The following KCNAB2 variants were observed in gnomAD, a reference collection of about 807,000 sequenced individuals.
The protein encoded by KCNAB2 is voltage-gated potassium channel subunit beta-2.
KCNAB2 carries 29 observed loss-of-function variants against 63.6 expected under a neutral mutation model. The ratio of observed to expected loss-of-function variants is 0.46; its 90% CI spans 0.34 to 0.62. KCNAB2 has a LOEUF of 0.62. Ranked by LOEUF, KCNAB2 falls within the 20% of genes least tolerant of loss-of-function variation. KCNAB2 has a pLI of 0.01. For synonymous variants in KCNAB2, 222 were observed against 224.2 expected, an observed-to-expected ratio of 0.99 and a Z score of 0.09; for missense variants, 359 against 563.9, an observed-to-expected ratio of 0.64 and a Z score of 3.68.
intron 1 of KCNAB2, among the ~76,000 whole-genome samples, chr1:6,009,181 AC>A (rs1399343030): frequency 1.3e-5 from 2 of 152,174 alleles, no homozygotes; most frequent in African/African-American, 4.8e-5. Context: ...CCCCCTGGCC[AC>A]CCCGCCCTCT....
chr1:6,087,405 A>G lies in KCNAB2; in HGVS notation c.426-62A>G, dbSNP rs371886686. The stretch of plus-strand genomic sequence containing the variant: ...TGTGTGAGAGATGAGGACGTCGGGG[A>G]TGAAGGAGGACCCCCCAGGGGCCGG... On this transcript the variant is annotated intron_variant, in intron 6 of 15. Transcript: ENST00000378083. The surrounding 1 kb of genome is among the most constrained non-coding windows in gnomAD (Gnocchi z 6.4). 7.8e-4 allele frequency: 1,220 copies of G among 1,561,924 alleles called. No individual in the cohort carries two copies. The highest frequency in any genetic ancestry group is 1.0e-3 in the Non-Finnish European group (1,149 of 1,132,746).
chr1:6,086,986 C>A lies in KCNAB2; in HGVS notation c.426-481C>A, dbSNP rs1664757825. Among the ~76,000 whole-genome samples, 1 of 152,116 alleles carries A rather than the reference C, an allele frequency of 6.6e-6. No homozygotes were observed. Among genetic ancestry groups the A allele is most frequent in the African/African-American group, 2.4e-5 (1 of 41,400 alleles). On this transcript the variant is annotated intron_variant, in intron 6 of 15. Transcript: ENST00000378083. This position sits in a 1 kb window ranked among gnomAD's most constrained non-coding sequence, Gnocchi z 4.2. ...ATTCTGTAGGGAACGTTGCAGAGAG[C>A]TTCCCTGCCTGCCTCCCACCTACAT... is the stretch of plus-strand genomic sequence containing the variant.
At chr1:6,019,310 A>G (rs1658685949) in intron 1 of KCNAB2, among the ~76,000 whole-genome samples, 1 of 152,154 alleles carries the variant, frequency 6.6e-6, no homozygotes, top group African/African-American at 2.4e-5. Flanking sequence ...AATTAAATGA[A>G]ATAAATAAAA....
upstream of KCNAB2, among the ~76,000 whole-genome samples, chr1:6,031,178 C>T (rs982235731): frequency 2.6e-5 from 4 of 152,140 alleles, no homozygotes; most frequent in African/African-American, 7.2e-5. The surrounding 1 kb of genome is among the most constrained non-coding windows in gnomAD (Gnocchi z 4.1). Context: ...TGGGCTCAGT[C>T]CTGACCTTTC....
chr1:6,100,647 G>A lies in KCNAB2; in HGVS notation c.*2073G>A, dbSNP rs550129410. ...GGGCAGCTGAGCCCCCAAAGGCTGC[G>A]GGTTTGCCAAACACAGAGAGGCCAG... On this transcript the variant is annotated 3_prime_UTR_variant, in exon 16 of 16. Coordinates refer to ENST00000378083, the MANE Select transcript of KCNAB2 (RefSeq NM_001199862.2). The A allele has an allele frequency of 2.0e-4, 31 of 152,288 alleles. No homozygotes were observed. The highest frequency in any genetic ancestry group is 1.4e-3 in the East Asian group (7 of 5,154). 9.4% of individuals were successfully genotyped at this position (152,288 alleles called of 1,614,324 possible).
In KCNAB2 at chr1:6,098,522, T is replaced by G. The variant is rs1665834697; in HGVS notation, c.1196T>G (p.Ile399Ser). ...CTGTCATCTTCCATTATCCACGAGATTGATAGTATTTTGGGCAATAAACCC... is the reference window on the plus strand; with the variant it reads ...CTGTCATCTTCCATTATCCACGAGAGTGATAGTATTTTGGGCAATAAACCC... ...PKLSSSIIHEIDSILGNKPYS... is the reference protein window; with the variant it reads ...PKLSSSIIHESDSILGNKPYS... Residue 399 changes from isoleucine (I) to serine (S), a missense_variant, in exon 16 of 16, where the codon ATT becomes AGT. Around this residue, in one of 2 missense-constraint regions of KCNAB2, gnomAD observed 271 missense variants for 476.1 expected, o/e 0.57. Transcript: ENST00000378083. The G allele has an allele frequency of 6.2e-7, 1 of 1,613,928 alleles. No individual in the cohort carries two copies.
chr1:6,068,987 A>C (rs1417680776), intron 2 of KCNAB2, among the ~76,000 whole-genome samples: 1 of 152,178 alleles, frequency 6.6e-6, no homozygotes, highest in Non-Finnish European at 1.5e-5. Flanking sequence ...AGGGGCCAGC[A>C]CTTGGTCCCG....
intron 1 of KCNAB2, among the ~76,000 whole-genome samples, chr1:6,039,451 G>A (rs1660320376): frequency 6.6e-6 from 1 of 152,200 alleles, no homozygotes; most frequent in African/African-American, 2.4e-5. Context: ...GTGAAAGACA[G>A]CAGTGGCTCA....
intron 1 of KCNAB2, among the ~76,000 whole-genome samples, chr1:6,009,059 C>T (rs544964785): frequency 6.6e-6 from 1 of 152,338 alleles, no homozygotes; most frequent in Non-Finnish European, 1.5e-5. Flanking sequence ...CCTTCTCCCC[C>T]AGGAGCTGCA....
chr1:6,088,703 AAAT>A (rs3040477), intron 7 of KCNAB2, among the ~76,000 whole-genome samples: 81,252 of 142,042 alleles, frequency 0.57, 23,289 homozygotes, highest in African/African-American at 0.68. Context: ...TTAATTTAAA[AAAT>A]AATAATAATA....
Position 6,071,936 on chromosome 1 carries a change from G to A in KCNAB2, c.219-819G>A, listed in dbSNP as rs1382424880. ...TCCCGGGAGGATCCGGGGACAGGAT[G>A]CCTGGGGACTGCCTGGCCTGCTGCA... On this transcript the variant is annotated intron_variant, in intron 2 of 15. Coordinates refer to ENST00000378083, the MANE Select transcript of KCNAB2 (RefSeq NM_001199862.2). The surrounding 1 kb of genome is among the most constrained non-coding windows in gnomAD (Gnocchi z 8.5). Among the ~76,000 whole-genome samples the A allele has an allele frequency of 6.6e-6, 1 of 152,302 alleles. No individual in the cohort carries two copies. Among genetic ancestry groups the A allele is most frequent in the African/African-American group, 2.4e-5 (1 of 41,566 alleles).
At chr1:6,039,682 C>T (rs1426234241) in intron 1 of KCNAB2, among the ~76,000 whole-genome samples, 3 of 152,174 alleles carry the variant, frequency 2.0e-5, no homozygotes, top group African/African-American at 7.2e-5. Context: ...GGACTGGGCT[C>T]ACCTTGGAAA....
intron 1 of KCNAB2, among the ~76,000 whole-genome samples, chr1:6,011,412 G>A (rs559426123): frequency 1.4e-4 from 21 of 150,806 alleles, no homozygotes; most frequent in Non-Finnish European, 1.5e-5. Context: ...GTGTGCGGGA[G>A]GCGAGGCAGG....
rs1020248136 is a variant in KCNAB2, at chr1:6,071,339, C to T, written c.219-1416C>T. Among the ~76,000 whole-genome samples the T allele has an allele frequency of 2.0e-5, 3 of 152,178 alleles. No homozygotes were observed. Among genetic ancestry groups the T allele is most frequent in the Non-Finnish European group, 2.9e-5 (2 of 68,042 alleles). On this transcript the variant is annotated intron_variant, in intron 2 of 15. Transcript: ENST00000378083. The surrounding 1 kb of genome is among the most constrained non-coding windows in gnomAD (Gnocchi z 8.5). ...GTAACTCATGGCTCTCACTCCCCAC[C>T]GCCTAGAACCAGCTGCCCCTTGACC...
Position 6,096,326 on chromosome 1 carries a change from C to G in KCNAB2, c.949-310C>G. ...GGTGGCAGCCGAGACCCCAGGCTGC[C>G]AAGTTTCCTAAGAGAAGGAAGGCCA... On this transcript the variant is annotated intron_variant, in intron 13 of 15. Transcript: ENST00000378083. The surrounding 1 kb of genome is among the most constrained non-coding windows in gnomAD (Gnocchi z 5.9). 1 of 446,062 alleles carries G rather than the reference C, an allele frequency of 2.2e-6. No homozygotes were observed. Among genetic ancestry groups the G allele is most frequent in the Non-Finnish European group, 4.2e-6 (1 of 239,080 alleles). 27.6% of individuals were successfully genotyped at this position (446,062 alleles called of 1,614,324 possible). A position where few individuals can be genotyped will look rare whatever the true frequency, so the allele number is the denominator to read the frequency against.
At chr1:6,049,986 A>G (rs1028829443) in intron 1 of KCNAB2, among the ~76,000 whole-genome samples, 2 of 152,194 alleles carry the variant, frequency 1.3e-5, no homozygotes, top group Non-Finnish European at 2.9e-5. Flanking sequence ...ACCCCAGCAC[A>G]TGGGGCTCAT....
Position 6,085,920 on chromosome 1 carries a change from C to T in KCNAB2, c.425+672C>T, listed in dbSNP as rs979147782. ...GGAAGTGGTCCCCTCCAGCACAGAC[C>T]GGGGAGCGGTCCCCGGGTGTGATGG... On this transcript the variant is annotated intron_variant, in intron 6 of 15. Transcript: ENST00000378083. 1.7e-4 allele frequency: 166 copies of T among 985,402 alleles called. 1 individual carries two copies. Among genetic ancestry groups the T allele is most frequent in the Non-Finnish European group, 2.0e-4 (164 of 830,004 alleles). The allele number at this position is 985,402 out of a possible 1,614,324, so 61.0% of individuals were successfully genotyped here. A position where few individuals can be genotyped will look rare whatever the true frequency, so the allele number is the denominator to read the frequency against.
chr1:6,083,712 G>A (rs1664412778), intron 5 of KCNAB2, among the ~76,000 whole-genome samples: 1 of 152,246 alleles, frequency 6.6e-6, no homozygotes, highest in Non-Finnish European at 1.5e-5. Context: ...TAGGCAGGGA[G>A]AAACTGCTTT....
intron 1 of KCNAB2, among the ~76,000 whole-genome samples, chr1:6,037,587 T>A (rs1205208898): frequency 2.0e-5 from 3 of 152,236 alleles, no homozygotes; most frequent in African/African-American, 7.2e-5. Flanking sequence ...CAGTGTTCCA[T>A]GCAAGAAGAA....
Sources: gnomAD v4.1 joint callset for allele counts (sites outside exome capture counted in the v4.1 genomes callset) on GRCh38, gnomAD v4.1.1 for gene constraint, gnomAD v4.1.1 regional missense constraint, Gnocchi (gnomAD v3.1) non-coding constraint, MANE v1.5 for transcripts, NCBI Gene and HGNC (gene_info 2026-07-23, HGNC 2026-07-21) for gene names.